RAP1A: variants seen among roughly 807,000 people sequenced by gnomAD.
RAP1A encodes ras-related protein Rap-1A.
A neutral mutation model predicts 26.4 loss-of-function variants in RAP1A; 6 were observed. That is an observed-to-expected ratio of 0.23 (90% CI 0.12 to 0.45). The LOEUF is 0.45. Among genes scored for constraint, RAP1A ranks in the 20% least tolerant of loss-of-function variants. The pLI is 0.99. For synonymous variants in RAP1A, 73 were observed against 79.4 expected (o/e 0.92, Z 0.43); for missense variants, 121 against 217.2 (o/e 0.56, Z 2.78).
At chr1:111,591,614 C>A (rs1037819348) in intron 1 of RAP1A, among the ~76,000 whole-genome samples, 27 of 152,280 alleles carry the variant, frequency 1.8e-4, no homozygotes, top group Non-Finnish European at 1.2e-4. Flanking sequence ...TTTAAAATAT[C>A]TGAGCGCATG....
intron 1 of RAP1A, among the ~76,000 whole-genome samples, chr1:111,647,241 T>C (rs1348114431): frequency 6.6e-6 from 1 of 152,134 alleles, no homozygotes; most frequent in Non-Finnish European, 1.5e-5. Context: ...ACGCTTCTTA[T>C]GAGAATCTAA....
Position 111,639,243 on chromosome 1 carries a change from G to C in RAP1A, c.-28+19309G>C, listed in dbSNP as rs541325258. 9.9e-5 allele frequency among the ~76,000 whole-genome samples: 15 copies of C among 152,154 alleles called. No individual in the cohort carries two copies. In the South Asian group the frequency reaches 3.1e-3, roughly 32 times the overall value. Reference sequence around the variant, plus strand: ...ACTTATACCTTCAGAGTTATACATAGATTTTCCTGAGGTTTATTAATCTAA... The same window carrying C: ...ACTTATACCTTCAGAGTTATACATACATTTTCCTGAGGTTTATTAATCTAA... On this transcript the variant is annotated intron_variant, in intron 1 of 7. Coordinates refer to ENST00000369709, the MANE Select transcript of RAP1A (RefSeq NM_002884.4).
At chr1:111,566,732 A>G (rs1657925717) in intron 1 of RAP1A, among the ~76,000 whole-genome samples, 1 of 152,046 alleles carries the variant, frequency 6.6e-6, no homozygotes, top group African/African-American at 2.4e-5. Flanking sequence ...GAAAGGAGAA[A>G]TGTACTTGGG....
chr1:111,595,329 G>C (rs1033319927), intron 1 of RAP1A, among the ~76,000 whole-genome samples: 2 of 152,204 alleles, frequency 1.3e-5, no homozygotes, highest in South Asian at 2.1e-4. Flanking sequence ...CAGATTCCTC[G>C]GGCTGTAGGA....
At chr1:111,546,782 T>C (rs72695239) in intron 1 of RAP1A, among the ~76,000 whole-genome samples, 39 of 152,336 alleles carry the variant, frequency 2.6e-4, no homozygotes, top group Non-Finnish European at 5.0e-4. Flanking sequence ...CTTAGATATA[T>C]ACCCAGAAAT....
intron 4 of RAP1A, among the ~76,000 whole-genome samples, chr1:111,699,504 C>G (rs1000233808): frequency 6.8e-6 from 1 of 146,508 alleles, no homozygotes. Context: ...CTCTGTCACC[C>G]AGGCTGGAGT....
chr1:111,601,531 T>C (rs568470092), intron 1 of RAP1A, among the ~76,000 whole-genome samples: 3 of 152,294 alleles, frequency 2.0e-5, no homozygotes, highest in African/African-American at 4.8e-5. Flanking sequence ...TGGCTGAAGG[T>C]TGCTATTACT....
At chr1:111,651,026 T>G (rs1047226948) in intron 1 of RAP1A, among the ~76,000 whole-genome samples, 1 of 152,038 alleles carries the variant, frequency 6.6e-6, no homozygotes, top group Non-Finnish European at 1.5e-5. Flanking sequence ...ATGGTCTCGA[T>G]CTCCTGACCT....
chr1:111,673,920 A>C (rs1661049261), intron 1 of RAP1A, among the ~76,000 whole-genome samples: 1 of 152,074 alleles, frequency 6.6e-6, no homozygotes, highest in South Asian at 2.1e-4. Context: ...TGTAAATAAA[A>C]TTTTCTATAC....
Position 111,575,064 on chromosome 1 carries a change from A to G in RAP1A, c.-28+32555A>G, listed in dbSNP as rs150342127. On this transcript the variant is annotated intron_variant, in intron 1 of 7. Transcript: ENST00000356415. ...TATTCTAATAAATATTTGTGAAGTAAATGAATAAATGAATTCCAGCTCTGT... is the reference window on the plus strand; with the variant it reads ...TATTCTAATAAATATTTGTGAAGTAGATGAATAAATGAATTCCAGCTCTGT... 7.4e-3 allele frequency among the ~76,000 whole-genome samples: 1,132 copies of G among 152,358 alleles called. 12 individuals carry two copies. The highest frequency in any genetic ancestry group is 0.026 in the African/African-American group (1,061 of 41,590).
At chr1:111,707,654 G>T (rs1298990473) in intron 6 of RAP1A, among the ~76,000 whole-genome samples, 1 of 152,122 alleles carries the variant, frequency 6.6e-6, no homozygotes, top group African/African-American at 2.4e-5. Flanking sequence ...ATACTGCAAA[G>T]AATTATTTAT....
chr1:111,574,140 G>A (rs1197972027), intron 1 of RAP1A, among the ~76,000 whole-genome samples: 4 of 152,128 alleles, frequency 2.6e-5, no homozygotes, highest in Non-Finnish European at 5.9e-5. Flanking sequence ...TGTATATAGT[G>A]TAAAGAAGGG....
chr1:111,619,707 C>A (rs1300415189), upstream of RAP1A: 3 of 392,888 alleles, frequency 7.6e-6, no homozygotes, highest in East Asian at 3.6e-5. Flanking sequence ...CGAAGCCCAG[C>A]CATCGCCAAC....
At chr1:111,609,217 C>T (rs41282528) in intron 1 of RAP1A, among the ~76,000 whole-genome samples, 19,433 of 152,226 alleles carry the variant, frequency 0.13, 1,590 homozygotes, top group South Asian at 0.17. Flanking sequence ...TCTTCCTTTA[C>T]ACCTTGAACC....
At chr1:111,682,096 G>A (rs2101212088) in intron 1 of RAP1A, among the ~76,000 whole-genome samples, 1 of 152,234 alleles carries the variant, frequency 6.6e-6, no homozygotes, top group East Asian at 1.9e-4. Context: ...GCCAAACTAA[G>A]CTTCATAAGC....
chr1:111,688,284 T>TGA (rs1661553980), intron 1 of RAP1A, among the ~76,000 whole-genome samples: 1 of 132,338 alleles, frequency 7.6e-6, no homozygotes, highest in Non-Finnish European at 1.6e-5. Flanking sequence ...TGTGTGTGTG[T>TGA]GTGTGTGTGT....
At chr1:111,686,109 C>T (rs968500001) in intron 1 of RAP1A, among the ~76,000 whole-genome samples, 6 of 142,962 alleles carry the variant, frequency 4.2e-5, no homozygotes, top group South Asian at 2.3e-4. Flanking sequence ...GAAGGTCACA[C>T]GCCGGGGCCT....
intron 1 of RAP1A, among the ~76,000 whole-genome samples, chr1:111,598,849 C>G (rs1006301267): frequency 2.0e-5 from 3 of 152,314 alleles, no homozygotes; most frequent in African/African-American, 7.2e-5. Context: ...AAAGCTGCCC[C>G]TACTTCCTAC....
intron 6 of RAP1A, among the ~76,000 whole-genome samples, chr1:111,708,013 G>A (rs549712575): frequency 5.3e-5 from 8 of 152,128 alleles, no homozygotes; most frequent in Non-Finnish European, 1.2e-4. Context: ...TTGTCTGTAC[G>A]AAAAATACAA....
Sources: gnomAD v4.1 joint callset for allele counts (sites outside exome capture counted in the v4.1 genomes callset) on GRCh38, gnomAD v4.1.1 for gene constraint, MANE v1.5 for transcripts, NCBI Gene and HGNC (gene_info 2026-07-23, HGNC 2026-07-21) for gene names.